The following TSEN34 variants were observed in gnomAD, a reference collection of about 807,000 sequenced individuals.
TSEN34 encodes tRNA-splicing endonuclease subunit Sen34.
In TSEN34, 25 loss-of-function variants were observed where a neutral mutation model predicts 30.2. The ratio of observed to expected loss-of-function variants is 0.83; its 90% CI spans 0.60 to 1.16. TSEN34 has a LOEUF of 1.16. TSEN34 is among the 50% of genes most tolerant of loss of function. The pLI is 0.00. For synonymous variants in TSEN34, 209 were observed against 177.4 expected (o/e 1.18, Z -1.41); for missense variants, 475 against 411.9 (o/e 1.15, Z -1.33).
chr19:54,191,187 G>GGGGGCGGGGCCTGGCGCTC (rs2076671435), upstream of TSEN34: 4 of 1,380,556 alleles, frequency 2.9e-6, no homozygotes, highest in African/African-American at 4.8e-5. Flanking sequence ...GGGATCGCCC[G>GGGGGCGGGGCCTGGCGCTC]GGGGCGGGGC....
At chr19:54,190,238 CT>C (rs1306592932), upstream of TSEN34, 1 of 912,608 alleles carries the variant, frequency 1.1e-6, no homozygotes, top group Non-Finnish European at 1.7e-6. Flanking sequence ...GGGGCGGGAC[CT>C]GACTTCCCGC....
upstream of TSEN34, chr19:54,190,237 C>G (rs75899395): frequency 2.6e-4 from 228 of 881,736 alleles, 3 homozygotes; most frequent in East Asian, 6.3e-3. Flanking sequence ...AGGGGCGGGA[C>G]CTGACTTCCC....
chr19:54,190,907 T>G, upstream of TSEN34: 1 of 1,048,180 alleles, frequency 9.5e-7, no homozygotes. Context: ...CCTCCAGAGC[T>G]TCTGACCGCT....
At chr19:54,190,681 T>G, upstream of TSEN34, 2 of 1,222,706 alleles carry the variant, frequency 1.6e-6, no homozygotes, top group Non-Finnish European at 2.0e-6. Flanking sequence ...CACCCGAACG[T>G]CAAATTGCTG....
In TSEN34 at chr19:54,193,705, A is replaced by G. The variant is rs1402634316; in HGVS notation, c.*343A>G. ...TTTGCGACAGTCCTGGAACCCGTGG[A>G]TGGTCTCATCTGCATGTACAGGTGA... On this transcript the variant is annotated 3_prime_UTR_variant, in exon 4 of 4. Coordinates refer to ENST00000396388, the MANE Select transcript of TSEN34 (RefSeq NM_001077446.4). The G allele has an allele frequency of 1.3e-6, 1 of 778,176 alleles. No homozygotes were observed. The highest frequency in any genetic ancestry group is 2.0e-5 in the Admixed American group (1 of 50,054). 48.2% of individuals were successfully genotyped at this position (778,176 alleles called of 1,614,324 possible).
In TSEN34 at chr19:54,191,455, C is replaced by T; in HGVS notation, c.91C>T (p.Arg31Cys). 6.5e-7 allele frequency: 1 copy of T among 1,547,838 alleles called. No homozygotes were observed. Among genetic ancestry groups the T allele is most frequent in the Non-Finnish European group, 8.7e-7 (1 of 1,147,246 alleles). ...CCGGGAGCGCCTGGGTGTGGGGGGC[C>T]GCACGGTAGGCGCCCTGCCCCGCGG... ...ALRERLGVGG[R>C]TVGALPRGPR... Residue 31 changes from arginine (R) to cysteine (C), a missense_variant, in exon 1 of 4, where the codon CGC (arginine) becomes TGC (cysteine). Coordinates refer to ENST00000396388, the MANE Select transcript of TSEN34 (RefSeq NM_001077446.4).
chr19:54,190,449 G>C (rs1323061849), upstream of TSEN34: 1 of 1,415,838 alleles, frequency 7.1e-7, no homozygotes, highest in Non-Finnish European at 9.2e-7. Context: ...CTCCCAATTG[G>C]GGTGAGCCCG....
At chr19:54,190,493 G>C, upstream of TSEN34, 8 of 1,381,140 alleles carry the variant, frequency 5.8e-6, no homozygotes, top group Non-Finnish European at 6.6e-6. Flanking sequence ...GTGTCCAGGG[G>C]GCGGGGCTTT....
rs761056180 is a variant in TSEN34 at position 54,192,098 on chromosome 19, C to G, written c.488-18C>G. The stretch of plus-strand genomic sequence containing the variant: ...TACCCCTTGAATTTACCAAACTCTT[C>G]TCTGTACTCCCCACCAGGCCCCTCG... On this transcript the variant is annotated intron_variant, in intron 2 of 3. Transcript: ENST00000396388. 6.2e-6 allele frequency: 10 copies of G among 1,614,240 alleles called. No homozygotes were observed. Among genetic ancestry groups the G allele is most frequent in the Non-Finnish European group, 8.5e-6 (10 of 1,180,036 alleles).
rs878999971 is a variant in TSEN34, at chr19:54,193,497, C to G, written c.*135C>G. ...GTTTTTGATTCCAGGTTTTCGAACA[C>G]TACATCTTTTTTATGTTCTTCCTTG... On this transcript the variant is annotated 3_prime_UTR_variant, in exon 4 of 4. Coordinates refer to ENST00000396388, the MANE Select transcript of TSEN34 (RefSeq NM_001077446.4). 6.5e-7 allele frequency: 1 copy of G among 1,547,160 alleles called. No individual in the cohort carries two copies. Among genetic ancestry groups the G allele is most frequent in the East Asian group, 2.4e-5 (1 of 40,954 alleles).
chr19:54,190,375 A>C, upstream of TSEN34: 1 of 1,507,710 alleles, frequency 6.6e-7, no homozygotes, highest in Non-Finnish European at 8.9e-7. Context: ...TTATGAGGTG[A>C]CTCGCTGGTT....
rs1355638217 is a variant in TSEN34, at chr19:54,194,073, C to T, written c.*711C>T. On this transcript the variant is annotated 3_prime_UTR_variant, in exon 4 of 4. Coordinates refer to ENST00000396388, the MANE Select transcript of TSEN34 (RefSeq NM_001077446.4). ...TTTAAAAAAAAATTAGCCAGGGATC[C>T]CTTGAGCCTGGGAAGTTGAGGCTGC... is the stretch of plus-strand genomic sequence containing the variant. 1 of 182,342 alleles carries T rather than the reference C, an allele frequency of 5.5e-6. No individual in the cohort carries two copies. Among genetic ancestry groups the T allele is most frequent in the Non-Finnish European group, 1.2e-5 (1 of 85,814 alleles). 11.3% of individuals were successfully genotyped at this position (182,342 alleles called of 1,614,324 possible).
rs966004909 is a variant in TSEN34 at position 54,191,452 on chromosome 19, G to T, written c.88G>T (p.Gly30Cys). 1.2e-5 allele frequency: 18 copies of T among 1,547,890 alleles called. No individual in the cohort carries two copies. Among genetic ancestry groups the T allele is most frequent in the Non-Finnish European group, 1.4e-5 (16 of 1,147,004 alleles). The change falls in exon 1 of 4, where the codon GGC (glycine) becomes TGC (cysteine). Residue 30 changes from glycine (G) to cysteine (C), a missense_variant. Coordinates refer to ENST00000396388, the MANE Select transcript of TSEN34 (RefSeq NM_001077446.4). ...QALRERLGVGGRTVGALPRGP... is the reference protein window; with the variant it reads ...QALRERLGVGCRTVGALPRGP... ...CCTCCGGGAGCGCCTGGGTGTGGGG[G>T]GCCGCACGGTAGGCGCCCTGCCCCG...
upstream of TSEN34, chr19:54,190,018 A>T (rs979407311): frequency 9.8e-6 from 5 of 511,412 alleles, no homozygotes; most frequent in East Asian, 1.5e-4. Context: ...TTCGCCAGAC[A>T]CCCATGAGTA....
rs1397243696 is a variant in TSEN34 at position 54,191,404 on chromosome 19, T to TG, written c.44dup (p.Ala16SerfsTer88). 2 of 1,549,282 alleles carry TG rather than the reference T, an allele frequency of 1.3e-6. No individual in the cohort carries two copies. The highest frequency in any genetic ancestry group is 1.7e-6 in the Non-Finnish European group (2 of 1,146,922). On this transcript the variant is annotated frameshift_variant, in exon 1 of 4. Transcript: ENST00000396388. LOFTEE classifies it high-confidence loss of function. ...GGTGGCGAACGGCCGCTCCCTGGTG[T>TG]GGGGAGCCGAGGCGGTGCAGGCCCT...
At chr19:54,192,683 C>T (rs896689338) in intron 3 of TSEN34, among the ~76,000 whole-genome samples, 7 of 152,296 alleles carry the variant, frequency 4.6e-5, no homozygotes, top group Admixed American at 4.6e-4. Context: ...TAAATGATTA[C>T]TGTGATCCAG....
chr19:54,191,262 G>A (rs983021256), upstream of TSEN34: 1 of 1,515,032 alleles, frequency 6.6e-7, no homozygotes, highest in Non-Finnish European at 8.8e-7. Context: ...TGAGGCCTAG[G>A]GGCGGGGCTT....
At chr19:54,190,072 G>A, upstream of TSEN34, 1 of 527,566 alleles carries the variant, frequency 1.9e-6, no homozygotes, top group Non-Finnish European at 3.3e-6. Context: ...TCAAAGGGGC[G>A]GAACCCCGAG....
intron 2 of TSEN34, 67 bp downstream of exon 2, chr19:54,192,031 TG>T: frequency 8.7e-6 from 14 of 1,614,044 alleles, no homozygotes; most frequent in Non-Finnish European, 1.2e-5. Context: ...GAATTTTAGC[TG>T]GGAATCCAGT....
Sources: allele counts gnomAD v4.1 joint callset (sites outside exome capture counted in the v4.1 genomes callset), GRCh38; gene constraint gnomAD v4.1.1; transcripts MANE v1.5; gene names NCBI Gene and HGNC (gene_info 2026-07-23, HGNC 2026-07-21).